NCKAP1L: variants seen among roughly 807,000 people sequenced by gnomAD.
The protein encoded by NCKAP1L is NCK associated protein 1 like.
In NCKAP1L, 53 loss-of-function variants were observed where a neutral mutation model predicts 139.2. The observed-to-expected ratio is 0.38, with a 90% CI of 0.31 to 0.48. The LOEUF (loss-of-function observed/expected upper bound fraction) is 0.48, where lower values mean the gene tolerates loss of function less well. NCKAP1L is among the 20% of genes least tolerant of loss of function. The pLI is 0.98. For missense variants in NCKAP1L, 1,151 were observed against 1,381.9 expected, an observed-to-expected ratio of 0.83 and a Z score of 2.65; for synonymous variants, 468 against 499.7, an observed-to-expected ratio of 0.94 and a Z score of 0.85.
At chr12:54,519,876 T>A (rs958369471) in intron 16 of NCKAP1L, among the ~76,000 whole-genome samples, 5 of 133,092 alleles carry the variant, frequency 3.8e-5, no homozygotes, top group Non-Finnish European at 8.0e-5. Flanking sequence ...CGTCTTCAGA[T>A]TTTTTTTTTT....
At chr12:54,508,856 T>G (rs1294266252) in intron 5 of NCKAP1L, among the ~76,000 whole-genome samples, 1 of 152,210 alleles carries the variant, frequency 6.6e-6, no homozygotes. Flanking sequence ...ACTGTGGGAC[T>G]TCAGTATGCA....
intron 29 of NCKAP1L, 152 bp from the exon 30 acceptor site, chr12:54,538,732 C>G: frequency 1.6e-6 from 1 of 628,318 alleles, no homozygotes; most frequent in Non-Finnish European, 2.8e-6. Flanking sequence ...ATCTCTGAAA[C>G]CTAGGAGATT....
intron 3 of NCKAP1L, among the ~76,000 whole-genome samples, chr12:54,505,134 A>T (rs1956830020): frequency 6.6e-6 from 1 of 152,174 alleles, no homozygotes; most frequent in Admixed American, 6.5e-5. Context: ...ATTTTTCTGC[A>T]TTCATTCAGC....
At chr12:54,517,100 G>C in intron 11 of NCKAP1L, 108 bp downstream of exon 11, 1 of 889,320 alleles carries the variant, frequency 1.1e-6, no homozygotes, top group Non-Finnish European at 1.8e-6. Flanking sequence ...TCATTCATTT[G>C]TATGTATATA....
At chr12:54,506,333 T>G (rs1356403890) in intron 3 of NCKAP1L, among the ~76,000 whole-genome samples, 1 of 152,106 alleles carries the variant, frequency 6.6e-6, no homozygotes, top group Non-Finnish European at 1.5e-5. Flanking sequence ...TCATGGTATC[T>G]TATTGTGGTT....
In NCKAP1L at chr12:54,536,916, C is replaced by T. The variant is rs1350819200; in HGVS notation, c.3074-28C>T. The T allele has an allele frequency of 5.8e-6, 8 of 1,385,472 alleles. No individual in the cohort carries two copies. The African/African-American group carries it at 8.6e-5, about 15-fold the overall frequency. 85.8% of individuals were successfully genotyped at this position (1,385,472 alleles called of 1,614,324 possible). On this transcript the variant is annotated intron_variant, in intron 28 of 30. Transcript: ENST00000293373. Reference sequence around the variant, plus strand: ...CTTACTTTGTCATTTCCTCTTTTTTCTCTCCATCTATATCAATAATAACCT... The same window carrying T: ...CTTACTTTGTCATTTCCTCTTTTTTTTCTCCATCTATATCAATAATAACCT...
At chr12:54,518,764 T>C in intron 14 of NCKAP1L, 32 bp downstream of exon 14, 2 of 1,570,778 alleles carry the variant, frequency 1.3e-6, no homozygotes, top group South Asian at 2.2e-5. Context: ...AGGCAGGACA[T>C]ATGTGAGGAT....
chr12:54,529,460 G>A (rs1007062011), intron 22 of NCKAP1L, among the ~76,000 whole-genome samples: 1 of 152,138 alleles, frequency 6.6e-6, no homozygotes, highest in Non-Finnish European at 1.5e-5. Flanking sequence ...CAGGGACGCT[G>A]CATAGTATCT....
intron 9 of NCKAP1L, among the ~76,000 whole-genome samples, chr12:54,514,876 A>C (rs925426588): frequency 1.3e-5 from 2 of 152,196 alleles, no homozygotes; most frequent in Non-Finnish European, 2.9e-5. Context: ...GGGCATATGC[A>C]TGAAAAAACT....
chr12:54,516,898 G>C lies in NCKAP1L; in HGVS notation c.1001G>C (p.Gly334Ala). 1 of 1,611,396 alleles carries C rather than the reference G, an allele frequency of 6.2e-7. No homozygotes were observed. The highest frequency in any genetic ancestry group is 8.5e-7 in the Non-Finnish European group (1 of 1,178,298). ...CATGTTCCCCTTTTCTTCCTTAGTG[G>C]CCAGTTTCATTGTCAACGGCGGCAA... Reference protein sequence around the residue: ...ESKEHVIANSGQFHCQRRQFL... With the variant: ...ESKEHVIANSAQFHCQRRQFL... The change falls in exon 11 of 31, where the codon GGC (glycine) becomes GCC (alanine). Residue 334 changes from glycine to alanine, a missense_variant and splice_region_variant. Coordinates refer to ENST00000293373, the MANE Select transcript of NCKAP1L (RefSeq NM_005337.5).
At chr12:54,497,968 C>T (rs1252146345) in intron 1 of NCKAP1L, 77 bp downstream of exon 1, 6 of 852,010 alleles carry the variant, frequency 7.0e-6, no homozygotes, top group Non-Finnish European at 1.2e-5. Context: ...GCAGGTGCAG[C>T]AGTTAGACTC....
In NCKAP1L at chr12:54,526,701, T is replaced by C; in HGVS notation, c.2330T>C (p.Leu777Pro). The change falls in exon 21 of 31, where the codon CTG becomes CCG. Residue 777 changes from leucine (L) to proline (P), a missense_variant. Leu to Pro is a moderately conservative substitution (Grantham distance 98). Coordinates refer to ENST00000293373, the MANE Select transcript of NCKAP1L (RefSeq NM_005337.5). ...GCCCTCCTGCAGCAGACACAACCACTGGATTCCTGTGGGGAACAGACAATC... is the reference window on the plus strand; with the variant it reads ...GCCCTCCTGCAGCAGACACAACCACCGGATTCCTGTGGGGAACAGACAATC... ...RNALLQQTQPLDSCGEQTITT... is the reference protein window; with the variant it reads ...RNALLQQTQPPDSCGEQTITT... The C allele has an allele frequency of 6.2e-7, 1 of 1,614,156 alleles. No homozygotes were observed. Among genetic ancestry groups the C allele is most frequent in the Non-Finnish European group, 8.5e-7 (1 of 1,180,004 alleles).
intron 3 of NCKAP1L, among the ~76,000 whole-genome samples, chr12:54,507,406 A>G (rs1016658433): frequency 4.6e-5 from 7 of 152,204 alleles, no homozygotes; most frequent in African/African-American, 1.7e-4. Flanking sequence ...ATAGAAACTC[A>G]TGGAAAATTA....
chr12:54,531,643 G>A (rs1957072695), intron 24 of NCKAP1L, 59 bp downstream of exon 24: 2 of 1,603,562 alleles, frequency 1.2e-6, no homozygotes, highest in East Asian at 4.5e-5. Flanking sequence ...GCAGATGACA[G>A]GGTTTTCAGG....
Position 54,521,206 on chromosome 12 carries a change from A to T in NCKAP1L, c.1846A>T (p.Ile616Phe). 1 of 1,614,028 alleles carries T rather than the reference A, an allele frequency of 6.2e-7. No individual in the cohort carries two copies. The highest frequency in any genetic ancestry group is 8.5e-7 in the Non-Finnish European group (1 of 1,180,008). ...AKQTSNCVLE[I>F]CAEQRNLSEQ... ...GCAGACCAGCAATTGCGTCCTGGAG[A>T]TCTGTGCTGAGCAGCGAAACCTGAG... Residue 616 changes from isoleucine (I) to phenylalanine (F), a missense_variant, in exon 18 of 31, where the codon ATC (isoleucine) becomes TTC (phenylalanine). Coordinates refer to ENST00000293373, the MANE Select transcript of NCKAP1L (RefSeq NM_005337.5).
chr12:54,542,578 G>A lies in NCKAP1L; in HGVS notation c.3277G>A (p.Val1093Met). Residue 1093 changes from valine (V) to methionine (M), a missense_variant, in exon 31 of 31, where the codon GTG becomes ATG. Val to Met is a conservative substitution (Grantham distance 21). Transcript: ENST00000293373. ...CTCTTGGCCCCATCTCTTTCAGGTGGTGGAGGAGTCATCCTTCCTGACCCT... is the reference window on the plus strand; with the variant it reads ...CTCTTGGCCCCATCTCTTTCAGGTGATGGAGGAGTCATCCTTCCTGACCCT... The part of the protein sequence containing the change: ...ESISLLMRLV[V>M]EESSFLTLDM... 6.2e-7 allele frequency: 1 copy of A among 1,612,408 alleles called. No individual in the cohort carries two copies. Among genetic ancestry groups the A allele is most frequent in the South Asian group, 1.1e-5 (1 of 91,052 alleles).
intron 22 of NCKAP1L, among the ~76,000 whole-genome samples, chr12:54,530,845 G>C (rs1230507354): frequency 3.3e-5 from 5 of 152,164 alleles, no homozygotes; most frequent in Non-Finnish European, 7.3e-5. Context: ...TCTGTGGGTT[G>C]TTCATGGCAG....
At chr12:54,526,385 A>G in intron 20 of NCKAP1L, 143 bp from the exon 21 acceptor site, 1 of 649,374 alleles carries the variant, frequency 1.5e-6, no homozygotes, top group Non-Finnish European at 2.7e-6. Flanking sequence ...TCTCTAGCTT[A>G]TTAGGTTACT....
chr12:54,510,054 G>T, intron 7 of NCKAP1L, 69 bp downstream of exon 7: 3 of 1,567,736 alleles, frequency 1.9e-6, no homozygotes, highest in Non-Finnish European at 2.6e-6. Context: ...TGTAGAGGGT[G>T]CTTCTTTCAG....
Sources: allele counts gnomAD v4.1 joint callset (sites outside exome capture counted in the v4.1 genomes callset), GRCh38; gene constraint gnomAD v4.1.1; transcripts MANE v1.5; gene names NCBI Gene and HGNC (gene_info 2026-07-23, HGNC 2026-07-21).